Variants in TRHDE observed in about 807,000 individuals in gnomAD.
TRHDE encodes thyrotropin releasing hormone degrading enzyme.
In TRHDE, 72 loss-of-function variants were observed where a neutral mutation model predicts 125.7. The observed-to-expected ratio is 0.57, with a 90% CI of 0.47 to 0.70. The LOEUF is 0.70. TRHDE is among the 30% of genes least tolerant of loss of function. The pLI, the probability that TRHDE is intolerant of heterozygous loss-of-function variation, is 0.00. For synonymous variants in TRHDE, 509 were observed against 509.1 expected (o/e 1.00, Z 0.00); for missense variants, 1,110 against 1,327.1 (o/e 0.84, Z 2.54).
chr12:72,330,839 G>C (rs978608411), intron 2 of TRHDE, among the ~76,000 whole-genome samples: 1 of 152,036 alleles, frequency 6.6e-6, no homozygotes, highest in African/African-American at 2.4e-5. Context: ...TTAGAACAGC[G>C]CTTCTCAAAC....
intron 7 of TRHDE, among the ~76,000 whole-genome samples, chr12:72,556,398 A>G (rs895381707): frequency 7.2e-5 from 11 of 152,212 alleles, no homozygotes; most frequent in Admixed American, 7.2e-4. Flanking sequence ...AATAAGAACT[A>G]AAGTAGACTC....
At chr12:72,343,903 T>G (rs2135732904) in intron 2 of TRHDE, among the ~76,000 whole-genome samples, 1 of 152,212 alleles carries the variant, frequency 6.6e-6, no homozygotes, top group South Asian at 2.1e-4. Flanking sequence ...CACTGAAAAC[T>G]TACCTTGCTA....
At chr12:72,619,284 C>T (rs1872949711) in intron 13 of TRHDE, among the ~76,000 whole-genome samples, 1 of 152,098 alleles carries the variant, frequency 6.6e-6, no homozygotes, top group South Asian at 2.1e-4. Context: ...AAGAAATATA[C>T]ATGGCAAATT....
At chr12:72,106,566 C>A (rs984730771) in intron 2 of TRHDE, among the ~76,000 whole-genome samples, 2 of 152,016 alleles carry the variant, frequency 1.3e-5, no homozygotes, top group Non-Finnish European at 2.9e-5. Flanking sequence ...TTTTAGCTTG[C>A]AAAGTTGAAA....
upstream of TRHDE, chr12:72,271,821 A>T: frequency 2.3e-6 from 1 of 433,280 alleles, no homozygotes. Context: ...AGCTTCATCT[A>T]CCTGAAGGGG....
At chr12:72,653,805 G>A (rs934495894) in intron 17 of TRHDE, among the ~76,000 whole-genome samples, 4 of 152,010 alleles carry the variant, frequency 2.6e-5, no homozygotes, top group African/African-American at 7.2e-5. Flanking sequence ...TTATTATAAA[G>A]CATGTAAATG....
chr12:72,276,132 G>C (rs886810576), intron 1 of TRHDE, among the ~76,000 whole-genome samples: 7 of 152,078 alleles, frequency 4.6e-5, no homozygotes, highest in African/African-American at 7.2e-5. Context: ...TTGGAGCATG[G>C]AGCATTTTTA....
chr12:72,094,648 C>T (rs866026115), intron 1 of TRHDE, among the ~76,000 whole-genome samples: 4 of 152,190 alleles, frequency 2.6e-5, no homozygotes, highest in African/African-American at 4.8e-5. Context: ...GGACTGAGGT[C>T]GGCAGGTCTG....
chr12:72,400,143 T>C (rs982342549), intron 3 of TRHDE, among the ~76,000 whole-genome samples: 10 of 152,142 alleles, frequency 6.6e-5, no homozygotes, highest in African/African-American at 2.2e-4. Flanking sequence ...TAGATACCTA[T>C]ATTAAAATTT....
chr12:72,311,292 A>G lies in TRHDE; in HGVS notation c.1188+24338A>G, dbSNP rs575341466. On this transcript the variant is annotated intron_variant, in intron 2 of 18. Transcript: ENST00000261180. ...TTTAAACAGGTTCTGGAAACCTGTTATTGGACTTCATTACTAATGACACCC... is the reference window on the plus strand; with the variant it reads ...TTTAAACAGGTTCTGGAAACCTGTTGTTGGACTTCATTACTAATGACACCC... Among the ~76,000 whole-genome samples, 5 of 152,120 alleles carry G rather than the reference A, an allele frequency of 3.3e-5. No homozygotes were observed. The East Asian group carries it at 7.7e-4, about 24-fold the overall frequency.
intron 5 of TRHDE, among the ~76,000 whole-genome samples, chr12:72,478,726 A>G (rs1478577898): frequency 6.6e-6 from 1 of 152,064 alleles, no homozygotes; most frequent in Non-Finnish European, 1.5e-5. Flanking sequence ...AAAGCAAAAT[A>G]TCTCCTGTGC....
intron 3 of TRHDE, among the ~76,000 whole-genome samples, chr12:72,436,609 T>C (rs1874757533): frequency 1.3e-5 from 2 of 152,060 alleles, no homozygotes; most frequent in South Asian, 4.2e-4. Context: ...AGACATGGCC[T>C]GGGAATAAAT....
intron 12 of TRHDE, among the ~76,000 whole-genome samples, chr12:72,604,888 CT>C (rs1457359863): frequency 1.3e-5 from 2 of 151,962 alleles, no homozygotes; most frequent in Non-Finnish European, 2.9e-5. Flanking sequence ...CCATTAATGT[CT>C]TCTAATTGTT....
chr12:72,402,801 G>T (rs1048187043), intron 3 of TRHDE, among the ~76,000 whole-genome samples: 4 of 151,584 alleles, frequency 2.6e-5, no homozygotes, highest in Admixed American at 1.3e-4. Flanking sequence ...CAACTTTTTT[G>T]TCCTTTATTT....
At chr12:72,197,499 G>A (rs1411541898) in intron 2 of TRHDE, among the ~76,000 whole-genome samples, 1 of 152,112 alleles carries the variant, frequency 6.6e-6, no homozygotes, top group Non-Finnish European at 1.5e-5. Flanking sequence ...TGATAATTAA[G>A]TTTATTAATT....
At chr12:72,446,761 C>A (rs948084071) in intron 3 of TRHDE, among the ~76,000 whole-genome samples, 3 of 152,012 alleles carry the variant, frequency 2.0e-5, no homozygotes, top group Admixed American at 1.3e-4. Flanking sequence ...TCAAAAGAGA[C>A]AAAGAAGGCC....
At position 72,380,774 on chromosome 12, in the gene TRHDE, C is replaced by G. The variant is rs377765709; in HGVS notation, c.1315+2653C>G. ...TCCTTCCTTCCTTCCTTGCTTCCTTCCTTCCTTCCTTCCTTCCTTCCTTCC... is the reference window on the plus strand; with the variant it reads ...TCCTTCCTTCCTTCCTTGCTTCCTTGCTTCCTTCCTTCCTTCCTTCCTTCC... On this transcript the variant is annotated intron_variant, in intron 3 of 18. Coordinates refer to ENST00000261180, the MANE Select transcript of TRHDE (RefSeq NM_013381.3). 4.0e-3 allele frequency among the ~76,000 whole-genome samples: 447 copies of G among 112,156 alleles called. 7 individuals are homozygous for G. The highest frequency in any genetic ancestry group is 0.013 in the Middle Eastern group (3 of 232). The allele number at this position is 112,156 out of a possible 152,430, so 73.6% of individuals were successfully genotyped here.
At chr12:72,495,697 A>G (rs1236762217) in intron 5 of TRHDE, among the ~76,000 whole-genome samples, 1 of 152,138 alleles carries the variant, frequency 6.6e-6, no homozygotes, top group Non-Finnish European at 1.5e-5. Flanking sequence ...GCTGCACAAT[A>G]TCTGGCATAG....
chr12:72,309,284 CTGTT>C (rs1257773029), intron 2 of TRHDE, among the ~76,000 whole-genome samples: 1 of 152,030 alleles, frequency 6.6e-6, no homozygotes, highest in East Asian at 1.9e-4. Flanking sequence ...CTCTTTCAAG[CTGTT>C]TGTGAAGAGA....
Sources: gnomAD v4.1 joint callset for allele counts (sites outside exome capture counted in the v4.1 genomes callset) on GRCh38, gnomAD v4.1.1 for gene constraint, MANE v1.5 for transcripts, NCBI Gene and HGNC (gene_info 2026-07-23, HGNC 2026-07-21) for gene names.